URI1: variants seen among roughly 807,000 people sequenced by gnomAD.
URI1 encodes URI1 prefoldin like chaperone.
URI1 carries 39 observed loss-of-function variants against 60.2 expected under a neutral mutation model. That is an observed-to-expected ratio of 0.65 (90% CI 0.50 to 0.85). The LOEUF is 0.85. Ranked by LOEUF, URI1 falls within the 40% of genes least tolerant of loss-of-function variation. The pLI is 0.00. For synonymous variants in URI1, 251 were observed against 236.8 expected (o/e 1.06, Z -0.55); for missense variants, 691 against 665.9 (o/e 1.04, Z -0.42).
Position 29,959,241 on chromosome 19 carries a change from C to T in URI1, c.118-11952C>T, listed in dbSNP as rs370479316. On this transcript the variant is annotated intron_variant, in intron 1 of 10. Coordinates refer to ENST00000392271, the MANE Select transcript of URI1 (RefSeq NM_003796.3). ...CCAGGCTCAGGTGATCCTCTCGCCT[C>T]AGTCTCCCCGAGTAGCTGGGGCTAT... Among the ~76,000 whole-genome samples the T allele has an allele frequency of 3.0e-4, 45 of 152,234 alleles. 1 individual carries two copies. In the South Asian group the frequency reaches 9.3e-3, roughly 32 times the overall value.
At chr19:29,976,516 A>G (rs1356547166) in intron 2 of URI1, among the ~76,000 whole-genome samples, 1 of 152,216 alleles carries the variant, frequency 6.6e-6, no homozygotes, top group East Asian at 1.9e-4. Context: ...ATGTTGGTCA[A>G]AGGAAGGGCC....
chr19:30,007,702 T>C (rs1412707854), intron 7 of URI1, 64 bp downstream of exon 7: 2 of 1,376,124 alleles, frequency 1.5e-6, no homozygotes, highest in African/African-American at 3.0e-5. Context: ...TCATTAATCT[T>C]TTTCTTCATT....
At chr19:29,931,743 C>A (rs569302165) in intron 1 of URI1, among the ~76,000 whole-genome samples, 23 of 152,134 alleles carry the variant, frequency 1.5e-4, no homozygotes, top group African/African-American at 5.5e-4. Flanking sequence ...AATTTTTTTA[C>A]TAAATATTTT....
chr19:29,950,562 T>C (rs1306791017), intron 1 of URI1, among the ~76,000 whole-genome samples: 1 of 152,020 alleles, frequency 6.6e-6, no homozygotes, highest in African/African-American at 2.4e-5. Context: ...TATATATTCC[T>C]TTTTTTTCCC....
chr19:30,009,062 G>T lies in URI1; in HGVS notation c.744G>T (p.Lys248Asn). Residue 248 changes from lysine (K) to asparagine (N), a missense_variant, in exon 8 of 11, where the codon AAG (lysine) becomes AAT (asparagine). Lys to Asn is a moderately conservative substitution (Grantham distance 94, BLOSUM62 0). Transcript: ENST00000392271. The stretch of plus-strand genomic sequence containing the variant: ...ATACGACATCTTCTGAAGAGGAAAA[G>T]GAAGATCGTAACACAAATGTGAATG... ...GEDTTSSEEE[K>N]EDRNTNVNAM... 6.2e-7 allele frequency: 1 copy of T among 1,613,812 alleles called. No individual in the cohort carries two copies. Among genetic ancestry groups the T allele is most frequent in the South Asian group, 1.1e-5 (1 of 91,048 alleles).
At chr19:29,968,746 T>C (rs750175738) in intron 1 of URI1, among the ~76,000 whole-genome samples, 28 of 151,634 alleles carry the variant, frequency 1.8e-4, no homozygotes, top group Non-Finnish European at 3.2e-4. Flanking sequence ...CATTTTTTTG[T>C]ATTTTTAGTA....
intron 1 of URI1, among the ~76,000 whole-genome samples, chr19:29,942,989 A>G (rs926076022): frequency 4.6e-5 from 7 of 152,170 alleles, no homozygotes; most frequent in Admixed American, 3.9e-4. Context: ...AATGACCTAA[A>G]CATTGCTTAA....
chr19:29,951,410 AC>A (rs997528016), intron 1 of URI1, among the ~76,000 whole-genome samples: 1 of 152,038 alleles, frequency 6.6e-6, no homozygotes, highest in Non-Finnish European at 1.5e-5. Context: ...GAACTCTAGC[AC>A]CCCCCCCTTT....
chr19:29,980,876 C>T (rs960105686), intron 2 of URI1, among the ~76,000 whole-genome samples: 1 of 140,152 alleles, frequency 7.1e-6, no homozygotes, highest in Non-Finnish European at 1.5e-5. Flanking sequence ...GAGCCGAGAT[C>T]ACGCCACGGC....
At chr19:29,941,250 T>A (rs139190147), upstream of URI1, among the ~76,000 whole-genome samples, 742 of 152,266 alleles carry the variant, frequency 4.9e-3, 8 homozygotes, top group African/African-American at 0.017. Context: ...AAGGCCACTT[T>A]CACGCAGTTA....
At chr19:30,007,849 A>G (rs1401184685) in intron 7 of URI1, among the ~76,000 whole-genome samples, 1 of 152,156 alleles carries the variant, frequency 6.6e-6, no homozygotes, top group Admixed American at 6.6e-5. Flanking sequence ...ATTCCCATGC[A>G]TGTACATGTA....
chr19:29,939,055 G>C (rs1244215978), upstream of URI1, among the ~76,000 whole-genome samples: 1 of 148,868 alleles, frequency 6.7e-6, no homozygotes, highest in Non-Finnish European at 1.5e-5. Context: ...TCGGCTCACT[G>C]CAACCTCCAC....
At chr19:29,939,180 T>C (rs1162667819), upstream of URI1, among the ~76,000 whole-genome samples, 1 of 151,946 alleles carries the variant, frequency 6.6e-6, no homozygotes, top group Non-Finnish European at 1.5e-5. Flanking sequence ...TTTATCCATG[T>C]TGGTCAGGCT....
chr19:29,927,803 C>T (rs564344407), intron 1 of URI1, among the ~76,000 whole-genome samples: 2 of 152,024 alleles, frequency 1.3e-5, no homozygotes, highest in Non-Finnish European at 1.5e-5. Flanking sequence ...TCTCAAACTC[C>T]TGACCTCAAG....
intron 2 of URI1, among the ~76,000 whole-genome samples, chr19:29,976,165 A>G (rs1006907918): frequency 2.0e-5 from 3 of 152,182 alleles, no homozygotes; most frequent in Non-Finnish European, 4.4e-5. Flanking sequence ...AACTCAAAAT[A>G]TATCCTTGCT....
At chr19:30,006,433 A>G (rs1475895933) in intron 6 of URI1, among the ~76,000 whole-genome samples, 1 of 152,156 alleles carries the variant, frequency 6.6e-6, no homozygotes, top group Non-Finnish European at 1.5e-5. Flanking sequence ...ACTGGTTGAA[A>G]GAAGCCACAT....
chr19:30,004,865 G>C (rs2055920721), intron 4 of URI1, among the ~76,000 whole-genome samples: 1 of 151,984 alleles, frequency 6.6e-6, no homozygotes, highest in South Asian at 2.1e-4. Context: ...TTGTTATGCA[G>C]TTTAACTTGG....
chr19:30,004,110 C>T (rs559474170), intron 4 of URI1, among the ~76,000 whole-genome samples: 3 of 152,138 alleles, frequency 2.0e-5, no homozygotes, highest in Admixed American at 6.6e-5. Context: ...CCATGGCAAC[C>T]GGTCCAATTT....
At chr19:30,009,900 C>G (rs2055996238) in intron 8 of URI1, among the ~76,000 whole-genome samples, 1 of 152,130 alleles carries the variant, frequency 6.6e-6, no homozygotes, top group Non-Finnish European at 1.5e-5. Flanking sequence ...TGGAGATTTT[C>G]TAATACAGAG....
Sources: gnomAD v4.1 joint callset for allele counts (sites outside exome capture counted in the v4.1 genomes callset) on GRCh38, gnomAD v4.1.1 for gene constraint, MANE v1.5 for transcripts, NCBI Gene and HGNC (gene_info 2026-07-23, HGNC 2026-07-21) for gene names.